The following CCDC175 variants were observed in gnomAD, a reference collection of about 807,000 sequenced individuals.
The protein encoded by CCDC175 is coiled-coil domain containing 175, also known as coiled-coil domain-containing protein 175.
A neutral mutation model predicts 114.6 loss-of-function variants in CCDC175; 100 were observed. That is an observed-to-expected ratio of 0.87 (90% CI 0.74 to 1.03). The LOEUF is 1.03. Ranked by LOEUF, CCDC175 falls within the 50% of genes least tolerant of loss-of-function variation. CCDC175 has a pLI of 0.00. For missense variants in CCDC175, 880 were observed against 917.8 expected, an observed-to-expected ratio of 0.96 and a Z score of 0.53; for synonymous variants, 306 against 308.7, an observed-to-expected ratio of 0.99 and a Z score of 0.09.
chr14:59,541,623 T>C (rs1486914210), intron 10 of CCDC175, among the ~76,000 whole-genome samples: 6 of 152,218 alleles, frequency 3.9e-5, no homozygotes, highest in African/African-American at 1.4e-4. Flanking sequence ...AATATCCTCC[T>C]CTGGATCTCT....
intron 17 of CCDC175, among the ~76,000 whole-genome samples, chr14:59,518,695 C>T (rs920099710): frequency 9.5e-4 from 145 of 152,046 alleles, no homozygotes; most frequent in Non-Finnish European, 1.7e-3. Flanking sequence ...TATGGAGAAA[C>T]AGGAACACTT....
chr14:59,556,592 A>G (rs947868474), intron 7 of CCDC175, among the ~76,000 whole-genome samples: 99 of 152,230 alleles, frequency 6.5e-4, no homozygotes, highest in African/African-American at 2.0e-3. Flanking sequence ...AATGGCAACA[A>G]AAGTCAAAAT....
intron 17 of CCDC175, among the ~76,000 whole-genome samples, chr14:59,521,050 A>G (rs560659367): frequency 1.3e-5 from 2 of 152,344 alleles, no homozygotes; most frequent in South Asian, 4.1e-4. Flanking sequence ...AATATTGTCA[A>G]CTTGACTGGA....
chr14:59,538,608 A>G, intron 12 of CCDC175, 97 bp downstream of exon 12: 1 of 1,060,586 alleles, frequency 9.4e-7, no homozygotes, highest in Non-Finnish European at 1.3e-6. Flanking sequence ...CAGAAAGGAA[A>G]ATACTTTTTA....
chr14:59,561,253 G>A, intron 6 of CCDC175, 25 bp from the exon 7 acceptor site: 2 of 1,283,508 alleles, frequency 1.6e-6, no homozygotes, highest in Non-Finnish European at 2.2e-6. Flanking sequence ...ACAAAAATAT[G>A]GCATCCAATC....
chr14:59,509,286 C>G (rs12896753), intron 19 of CCDC175, among the ~76,000 whole-genome samples: 69,816 of 151,856 alleles, frequency 0.46, 18,392 homozygotes, highest in East Asian at 0.8. Flanking sequence ...AAAGGAAATA[C>G]AAATAGAAGC....
intron 8 of CCDC175, 144 bp from the exon 9 acceptor site, chr14:59,545,443 T>A (rs2140052305): frequency 1.6e-6 from 1 of 643,356 alleles, no homozygotes; most frequent in East Asian, 2.8e-5. Context: ...GATTTAATTC[T>A]ATAGCAAACA....
intron 3 of CCDC175, among the ~76,000 whole-genome samples, chr14:59,570,352 C>T (rs556138387): frequency 2.0e-5 from 3 of 152,228 alleles, no homozygotes; most frequent in African/African-American, 7.2e-5. Flanking sequence ...GAACATTGTG[C>T]CAGCTGGTAA....
intron 17 of CCDC175, among the ~76,000 whole-genome samples, chr14:59,512,058 AAAG>A (rs1307742961): frequency 6.6e-6 from 1 of 152,182 alleles, no homozygotes; most frequent in Non-Finnish European, 1.5e-5. Context: ...GAAGAGAAAC[AAAG>A]GAGGTGGGTC....
intron 7 of CCDC175, among the ~76,000 whole-genome samples, chr14:59,554,542 C>A (rs1302083128): frequency 1.3e-5 from 2 of 152,128 alleles, no homozygotes; most frequent in Non-Finnish European, 2.9e-5. Context: ...ACCCTAATAT[C>A]ACAATTAAAA....
chr14:59,568,212 G>A (rs746622307), intron 4 of CCDC175, 33 bp downstream of exon 4: 4 of 1,506,776 alleles, frequency 2.7e-6, no homozygotes, highest in Non-Finnish European at 3.5e-6. Context: ...TCAGACCCCT[G>A]CTCCCTCAAA....
At chr14:59,568,157 C>T in intron 4 of CCDC175, 88 bp downstream of exon 4, 1 of 1,307,540 alleles carries the variant, frequency 7.6e-7, no homozygotes, top group Non-Finnish European at 1.0e-6. Context: ...TGCCACAGTT[C>T]AGATCAGAGA....
chr14:59,556,850 A>C (rs1895930013), intron 7 of CCDC175, among the ~76,000 whole-genome samples: 1 of 152,194 alleles, frequency 6.6e-6, no homozygotes, highest in Non-Finnish European at 1.5e-5. Context: ...ATGCAGCCAA[A>C]AGATACATGA....
At chr14:59,568,426 C>T (rs1336074193) in intron 3 of CCDC175, 46 bp from the exon 4 acceptor site, 4 of 1,422,276 alleles carry the variant, frequency 2.8e-6, no homozygotes, top group Non-Finnish European at 2.8e-6. Context: ...AGGAAAAGCA[C>T]AACTGTAGAT....
intron 13 of CCDC175, among the ~76,000 whole-genome samples, chr14:59,535,272 G>C (rs1566610335): frequency 6.6e-6 from 1 of 152,206 alleles, no homozygotes; most frequent in South Asian, 2.1e-4. Flanking sequence ...GCCGAGTGCA[G>C]GCTGGAGGCT....
At chr14:59,525,215 T>C in intron 16 of CCDC175, 67 bp downstream of exon 16, 1 of 1,169,724 alleles carries the variant, frequency 8.5e-7, no homozygotes, top group Non-Finnish European at 1.1e-6. Flanking sequence ...TCTTTTCTCT[T>C]ATAACTATTA....
intron 8 of CCDC175, among the ~76,000 whole-genome samples, chr14:59,548,408 G>A (rs1895245731): frequency 6.6e-6 from 1 of 152,110 alleles, no homozygotes. Context: ...AGAGCCCATA[G>A]TTTCTACCCT....
chr14:59,540,862 T>G, intron 10 of CCDC175, 116 bp from the exon 11 acceptor site: 1 of 878,394 alleles, frequency 1.1e-6, no homozygotes. Flanking sequence ...GGAGACAAAA[T>G]AAGCCTTGTG....
At chr14:59,528,669 T>A (rs1015135666) in intron 14 of CCDC175, among the ~76,000 whole-genome samples, 1 of 152,124 alleles carries the variant, frequency 6.6e-6, no homozygotes, top group Non-Finnish European at 1.5e-5. Flanking sequence ...CATTATTCAC[T>A]GATTTTTTTC....
Sources: allele counts gnomAD v4.1 joint callset (sites outside exome capture counted in the v4.1 genomes callset), GRCh38; gene constraint gnomAD v4.1.1; transcripts MANE v1.5; gene names NCBI Gene and HGNC (gene_info 2026-07-23, HGNC 2026-07-21).